The following MORN5 variants were observed in gnomAD, a reference collection of about 807,000 sequenced individuals.
MORN5 encodes the protein MORN repeat-containing protein 5.
MORN5 carries 21 observed loss-of-function variants against 22.1 expected under a neutral mutation model. The ratio of observed to expected loss-of-function variants is 0.95; its 90% confidence interval spans 0.67 to 1.37. The LOEUF is 1.37. Ranked by LOEUF, MORN5 falls within the 40% of genes most tolerant of loss-of-function variation. The pLI, the probability that MORN5 is intolerant of heterozygous loss-of-function variation, is 0.00. For missense variants in MORN5, 211 were observed against 215.1 expected, an observed-to-expected ratio of 0.98 and a Z score of 0.12; for synonymous variants, 73 against 74.0, an observed-to-expected ratio of 0.99 and a Z score of 0.07.
At chr9:122,175,364 G>A in intron 4 of MORN5, 2 of 675,222 alleles carry the variant, frequency 3.0e-6, no homozygotes, top group Non-Finnish European at 3.7e-6. Flanking sequence ...GTACCTTGGA[G>A]GATCCAGAAC....
intron 4 of MORN5, among the ~76,000 whole-genome samples, chr9:122,193,383 G>A (rs541394640): frequency 7.1e-4 from 108 of 152,320 alleles, no homozygotes; most frequent in African/African-American, 2.5e-3. Context: ...TCAAGAGATC[G>A]AGAACATCCT....
intron 2 of MORN5, 111 bp downstream of exon 2, chr9:122,167,026 C>A (rs1210669293): frequency 8.8e-6 from 8 of 906,282 alleles, no homozygotes; most frequent in Non-Finnish European, 1.3e-5. Context: ...TCCATTCACT[C>A]TTCTCTTTGC....
At chr9:122,162,805 C>T (rs1360166725) in intron 1 of MORN5, among the ~76,000 whole-genome samples, 1 of 152,048 alleles carries the variant, frequency 6.6e-6, no homozygotes, top group Non-Finnish European at 1.5e-5. Context: ...TCAGTAGTCA[C>T]CTAGAGATGA....
chr9:122,199,553 G>A (rs1309632570), intron 4 of MORN5, among the ~76,000 whole-genome samples: 1 of 152,142 alleles, frequency 6.6e-6, no homozygotes, highest in Non-Finnish European at 1.5e-5. Context: ...TGGGGCTGTC[G>A]TGCGTGGGCT....
At chr9:122,175,581 C>T in intron 4 of MORN5, 1 of 979,026 alleles carries the variant, frequency 1.0e-6, no homozygotes, top group Non-Finnish European at 1.2e-6. Flanking sequence ...AATGCATGCA[C>T]ACACACACAC....
rs1336093004 is a variant in MORN5 at position 122,166,910 on chromosome 9, A to G, written c.190A>G (p.Ile64Val). The part of the protein sequence containing the change: ...YDAIWENGLA[I>V]KGTYTFSDGL... ...CGCCATTTGGGAAAACGGATTGGCC[A>G]TAAAGGTGATCAGCTGGGGGGACGG... Residue 64 changes from isoleucine (I) to valine (V), a missense_variant, in exon 2 of 5, where the codon ATA becomes GTA. Physicochemically the swap from Ile to Val is conservative, Grantham distance 29 (BLOSUM62 3). Transcript: ENST00000373764. 1.2e-6 allele frequency: 2 copies of G among 1,613,380 alleles called. No individual in the cohort carries two copies. The highest frequency in any genetic ancestry group is 1.7e-6 in the Non-Finnish European group (2 of 1,179,660).
At chr9:122,167,993 C>T (rs1395873316) in intron 2 of MORN5, among the ~76,000 whole-genome samples, 2 of 152,192 alleles carry the variant, frequency 1.3e-5, no homozygotes, top group Admixed American at 6.5e-5. Context: ...CTTACTATTT[C>T]CCTCTCATAG....
chr9:122,164,591 G>T, intron 1 of MORN5: 1 of 985,700 alleles, frequency 1.0e-6, no homozygotes, highest in Non-Finnish European at 1.2e-6. Flanking sequence ...GATGAGTTCT[G>T]TTTTAGGCGA....
intron 4 of MORN5, among the ~76,000 whole-genome samples, chr9:122,199,076 G>A (rs1197398809): frequency 6.6e-6 from 1 of 152,162 alleles, no homozygotes; most frequent in Non-Finnish European, 1.5e-5. Flanking sequence ...GTAAATCCAC[G>A]GAGGGGTCTT....
chr9:122,191,911 T>G (rs1588315902), intron 4 of MORN5, among the ~76,000 whole-genome samples: 1 of 152,334 alleles, frequency 6.6e-6, no homozygotes, highest in East Asian at 1.9e-4. Flanking sequence ...CCTGGGAGTG[T>G]CCTGAGCGAG....
intron 1 of MORN5, among the ~76,000 whole-genome samples, chr9:122,163,996 C>T (rs909549517): frequency 2.0e-5 from 3 of 152,154 alleles, no homozygotes; most frequent in Non-Finnish European, 4.4e-5. Flanking sequence ...GCGATCCTCC[C>T]ACCTCAGCCT....
Position 122,179,693 on chromosome 9 carries a change from G to GCT in MORN5, c.439+5066_439+5067insCT. On this transcript the variant is annotated intron_variant, in intron 4 of 4. Coordinates refer to ENST00000373764, the MANE Select transcript of MORN5 (RefSeq NM_198469.4). ...TTGGTCCTGATATTATAGGACAGATGAAGTTTGGAGTGTCCTGAAAACCAC... is the reference window on the plus strand; with the variant it reads ...TTGGTCCTGATATTATAGGACAGATGCTAAGTTTGGAGTGTCCTGAAAACCAC... 3.9e-5 allele frequency among the ~76,000 whole-genome samples: 6 copies of GCT among 152,326 alleles called. 1 individual carries two copies. The highest frequency in any genetic ancestry group is 3.9e-4 in the Admixed American group (6 of 15,298).
At chr9:122,169,794 G>A in intron 3 of MORN5, 38 bp downstream of exon 3, 1 of 1,346,196 alleles carries the variant, frequency 7.4e-7, no homozygotes, top group Non-Finnish European at 1.1e-6. Context: ...TACCCAAACT[G>A]AGAGGGAAAC....
At position 122,166,882 on chromosome 9, in the gene MORN5, C is replaced by T. The variant is rs7466389; in HGVS notation, c.162C>T (p.Tyr54=). The T allele has an allele frequency of 0.032, 51,757 of 1,613,586 alleles. 1,241 individuals are homozygous for T. The highest frequency in any genetic ancestry group is 0.095 in the African/African-American group (7,137 of 74,964). ...GTLYFPSGSQ[Y]DAIWENGLAI... is the part of the protein sequence containing the mutation. ...TGTACTTCCCCAGCGGAAGCCAATA[C>T]GACGCCATTTGGGAAAACGGATTGG... The change falls in exon 2 of 5, where the codon TAC becomes TAT. Residue 54 remains tyrosine, a synonymous_variant. Coordinates refer to ENST00000373764, the MANE Select transcript of MORN5 (RefSeq NM_198469.4).
chr9:122,200,029 G>C lies in MORN5; in HGVS notation c.*98G>C. ...ACTAGCATTGGCTGCCCTGGGGGAC[G>C]GGCTGTAGTTCTAGAACCTGATTTT... is the stretch of plus-strand genomic sequence containing the variant. On this transcript the variant is annotated 3_prime_UTR_variant, in exon 5 of 5. Transcript: ENST00000373764. The C allele has an allele frequency of 1.7e-6, 2 of 1,202,068 alleles. No individual in the cohort carries two copies. Among genetic ancestry groups the C allele is most frequent in the Non-Finnish European group, 2.5e-6 (2 of 808,102 alleles). The allele number at this position is 1,202,068 out of a possible 1,614,324, so 74.5% of individuals were successfully genotyped here.
chr9:122,191,614 A>G (rs1306147370), intron 4 of MORN5, among the ~76,000 whole-genome samples: 1 of 152,056 alleles, frequency 6.6e-6, no homozygotes, highest in African/African-American at 2.4e-5. Flanking sequence ...CCTACTCCCC[A>G]TACCAGCCCC....
chr9:122,181,137 G>A (rs1829533019), intron 4 of MORN5, among the ~76,000 whole-genome samples: 1 of 152,262 alleles, frequency 6.6e-6, no homozygotes, highest in African/African-American at 2.4e-5. Flanking sequence ...TCTTAACCCA[G>A]TGGCTCTCAG....
intron 3 of MORN5, among the ~76,000 whole-genome samples, chr9:122,170,667 G>C (rs1171017669): frequency 2.0e-5 from 3 of 152,164 alleles, no homozygotes; most frequent in African/African-American, 7.2e-5. Context: ...CTGTGGCAGA[G>C]CTCACACTGG....
intron 4 of MORN5, among the ~76,000 whole-genome samples, chr9:122,195,342 T>C (rs1174994414): frequency 6.6e-6 from 1 of 152,240 alleles, no homozygotes; most frequent in Non-Finnish European, 1.5e-5. Context: ...TGAACTAATA[T>C]TGATGTTATG....
Sources: gnomAD v4.1 joint callset for allele counts (sites outside exome capture counted in the v4.1 genomes callset) on GRCh38, gnomAD v4.1.1 for gene constraint, MANE v1.5 for transcripts, NCBI Gene and HGNC (gene_info 2026-07-23, HGNC 2026-07-21) for gene names.